CUX2: variants seen among roughly 807,000 people sequenced by gnomAD.
CUX2 encodes the protein homeobox protein cut-like 2.
In CUX2, 40 loss-of-function variants were observed where a neutral mutation model predicts 144.8. That is an observed-to-expected ratio of 0.28 (90% CI 0.21 to 0.36). The LOEUF (loss-of-function observed/expected upper bound fraction) is 0.36. Ranked by LOEUF, CUX2 falls within the 10% of genes least tolerant of loss-of-function variation. CUX2 has a pLI of 1.00. For missense variants in CUX2, 1,615 were observed against 1,994.0 expected (o/e 0.81, Z 3.62); for synonymous variants, 827 against 875.6 (o/e 0.94, Z 0.98).
At chr12:111,180,756 C>T (rs780260223) in intron 1 of CUX2, among the ~76,000 whole-genome samples, 1 of 152,214 alleles carries the variant, frequency 6.6e-6, no homozygotes, top group South Asian at 2.1e-4. Flanking sequence ...CTAGTCCTCC[C>T]CCAGCCTCCC....
At chr12:111,106,029 T>TA (rs1168678202) in intron 1 of CUX2, among the ~76,000 whole-genome samples, 1 of 152,058 alleles carries the variant, frequency 6.6e-6, no homozygotes, top group Non-Finnish European at 1.5e-5. Context: ...CACGCCTGGC[T>TA]AATATTTTTA....
intron 1 of CUX2, among the ~76,000 whole-genome samples, chr12:111,131,206 G>GA (rs1024897506): frequency 6.6e-6 from 1 of 152,098 alleles, no homozygotes; most frequent in Non-Finnish European, 1.5e-5. Flanking sequence ...GGTGGCAAGA[G>GA]AAAAAAATGA....
intron 4 of CUX2, among the ~76,000 whole-genome samples, chr12:111,285,671 G>A (rs1007749787): frequency 1.3e-5 from 2 of 152,184 alleles, no homozygotes; most frequent in African/African-American, 4.8e-5. Context: ...CTCACCCTGG[G>A]GAAATGACTT....
intron 1 of CUX2, among the ~76,000 whole-genome samples, chr12:111,203,218 T>A (rs1210827424): frequency 1.7e-5 from 2 of 120,234 alleles, no homozygotes; most frequent in Non-Finnish European, 3.2e-5. Context: ...GGCAACCGAA[T>A]GAGACTCTGT....
At chr12:111,269,994 G>A (rs1053217281) in intron 4 of CUX2, among the ~76,000 whole-genome samples, 5 of 152,132 alleles carry the variant, frequency 3.3e-5, no homozygotes, top group African/African-American at 1.2e-4. Flanking sequence ...ATTCATTTTC[G>A]AGACATTTAA....
intron 1 of CUX2, among the ~76,000 whole-genome samples, chr12:111,117,178 A>C (rs566840819): frequency 6.6e-6 from 1 of 152,352 alleles, no homozygotes; most frequent in South Asian, 2.1e-4. Flanking sequence ...TGAGCAATGT[A>C]TCAGTAAGTA....
Position 111,287,242 on chromosome 12 carries a change from T to C in CUX2, c.302-4176T>C, listed in dbSNP as rs138215904. 1.1e-4 allele frequency among the ~76,000 whole-genome samples: 16 copies of C among 152,320 alleles called. No individual in the cohort carries two copies. The East Asian group carries it at 3.1e-3, about 29-fold the overall frequency. On this transcript the variant is annotated intron_variant, in intron 4 of 21. Coordinates refer to ENST00000261726, the MANE Select transcript of CUX2 (RefSeq NM_015267.4). This position sits in a 1 kb window ranked among gnomAD's most constrained non-coding sequence, Gnocchi z 4.2. Reference sequence around the variant, plus strand: ...GACAGACATCCTTTATCACCAAGTATAGTCGTTTGGCTCAATGGGCTCATG... The same window carrying C: ...GACAGACATCCTTTATCACCAAGTACAGTCGTTTGGCTCAATGGGCTCATG...
intron 1 of CUX2, among the ~76,000 whole-genome samples, chr12:111,176,482 T>G (rs1878863558): frequency 6.6e-6 from 1 of 152,116 alleles, no homozygotes; most frequent in South Asian, 2.1e-4. Context: ...TTCTATTACA[T>G]AAGGATAACC....
At chr12:111,276,934 A>T (rs1884907198) in intron 4 of CUX2, among the ~76,000 whole-genome samples, 1 of 152,210 alleles carries the variant, frequency 6.6e-6, no homozygotes, top group Non-Finnish European at 1.5e-5. Flanking sequence ...GGCGTGAGCC[A>T]CCGCACCCGG....
At position 111,149,061 on chromosome 12, in the gene CUX2, C is replaced by T. The variant is rs57401171; in HGVS notation, c.64-65139C>T. ...TACCTACACAAACTTAATAGTATTG[C>T]GGTTCAGAGAGGCTAAATCATTTCT... On this transcript the variant is annotated intron_variant, in intron 1 of 21. Transcript: ENST00000261726. Among the ~76,000 whole-genome samples the T allele has an allele frequency of 6.8e-3, 1,040 of 152,168 alleles. 13 individuals carry two copies. Among genetic ancestry groups the T allele is most frequent in the African/African-American group, 0.024 (991 of 41,516 alleles).
chr12:111,087,662 T>C (rs1872318981), intron 1 of CUX2, among the ~76,000 whole-genome samples: 1 of 152,184 alleles, frequency 6.6e-6, no homozygotes. Flanking sequence ...TTTTGTATCA[T>C]CCAAGAGGAC....
rs116294992 is a variant in CUX2 at position 111,067,493 on chromosome 12, C to T, written c.63+33253C>T. Among the ~76,000 whole-genome samples the T allele has an allele frequency of 3.0e-3, 452 of 152,284 alleles. 5 individuals are homozygous for T. Among genetic ancestry groups the T allele is most frequent in the African/African-American group, 0.01 (430 of 41,556 alleles). On this transcript the variant is annotated intron_variant, in intron 1 of 21. Transcript: ENST00000261726. ...GAATCATCCTGAGGGCATTCTCTCT[C>T]TTTATCGTTTGATTACAGGAGCCCA... is the stretch of plus-strand genomic sequence containing the variant.
At chr12:111,323,157 G>A (rs1175819972) in intron 18 of CUX2, among the ~76,000 whole-genome samples, 1 of 152,204 alleles carries the variant, frequency 6.6e-6, no homozygotes, top group Non-Finnish European at 1.5e-5. Context: ...CCAGGGCCCT[G>A]GTGAGGCACC....
intron 1 of CUX2, among the ~76,000 whole-genome samples, chr12:111,098,870 G>T (rs1406454833): frequency 6.6e-6 from 1 of 152,242 alleles, no homozygotes; most frequent in Non-Finnish European, 1.5e-5. Context: ...CGCCCATGGG[G>T]CTCATGCCTG....
intron 1 of CUX2, among the ~76,000 whole-genome samples, chr12:111,042,509 G>A (rs1204221620): frequency 1.3e-5 from 2 of 152,202 alleles, no homozygotes; most frequent in Non-Finnish European, 2.9e-5. Flanking sequence ...TCAAATCCCA[G>A]CTCTGCCACT....
chr12:111,298,463 G>A, intron 8 of CUX2, 78 bp from the exon 9 acceptor site: 1 of 1,472,460 alleles, frequency 6.8e-7, no homozygotes, highest in Admixed American at 2.0e-5. Flanking sequence ...GCTCAGGCAG[G>A]GGCTGGGGGT....
intron 1 of CUX2, among the ~76,000 whole-genome samples, chr12:111,207,767 G>A (rs908599469): frequency 6.6e-6 from 1 of 152,080 alleles, no homozygotes; most frequent in African/African-American, 2.4e-5. Flanking sequence ...CTGTGTAAAT[G>A]TTCTAGGGCT....
intron 1 of CUX2, among the ~76,000 whole-genome samples, chr12:111,052,754 T>G (rs1318482460): frequency 6.6e-6 from 1 of 152,226 alleles, no homozygotes; most frequent in Non-Finnish European, 1.5e-5. Context: ...TGTATGTGTT[T>G]GTGTGCTCAT....
chr12:111,212,552 A>G (rs1336470870), intron 1 of CUX2, among the ~76,000 whole-genome samples: 1 of 152,156 alleles, frequency 6.6e-6, no homozygotes, highest in Non-Finnish European at 1.5e-5. Flanking sequence ...TATTTTTTGT[A>G]GAGAGGAGGC....
Sources: gnomAD v4.1 joint callset for allele counts (sites outside exome capture counted in the v4.1 genomes callset) on GRCh38, gnomAD v4.1.1 for gene constraint, Gnocchi (gnomAD v3.1) non-coding constraint, MANE v1.5 for transcripts, NCBI Gene and HGNC (gene_info 2026-07-23, HGNC 2026-07-21) for gene names.